CELF4: variants seen among roughly 807,000 people sequenced by gnomAD.
CELF4 encodes the protein CUGBP Elav-like family member 4, also known as CUG-BP- and ETR-3-like factor 4.
In CELF4, 18 loss-of-function variants were observed where a neutral mutation model predicts 59.9. That is an observed-to-expected ratio of 0.30 (90% CI 0.21 to 0.45). CELF4 has a LOEUF of 0.45. Ranked by LOEUF, CELF4 falls within the 20% of genes least tolerant of loss-of-function variation. CELF4 has a pLI of 1.00. For missense variants in CELF4, 456 were observed against 689.0 expected, an observed-to-expected ratio of 0.66 and a Z score of 3.79; for synonymous variants, 261 against 267.1, an observed-to-expected ratio of 0.98 and a Z score of 0.22.
At chr18:37,291,946 C>T (rs1343216648) in intron 3 of CELF4, among the ~76,000 whole-genome samples, 1 of 152,006 alleles carries the variant, frequency 6.6e-6, no homozygotes, top group Non-Finnish European at 1.5e-5. Context: ...AATTCTAAAC[C>T]CCAAGGTGAT....
intron 3 of CELF4, among the ~76,000 whole-genome samples, chr18:37,294,524 A>G (rs971107632): frequency 6.6e-6 from 1 of 152,210 alleles, no homozygotes; most frequent in Non-Finnish European, 1.5e-5. Context: ...ACCCTGGTGA[A>G]CCACTGTGGT....
At chr18:37,389,204 G>C (rs575705665) in intron 2 of CELF4, among the ~76,000 whole-genome samples, 2 of 152,162 alleles carry the variant, frequency 1.3e-5, no homozygotes, top group African/African-American at 4.8e-5. Context: ...CAGATGTGAC[G>C]AGATGGGGAC....
intron 2 of CELF4, among the ~76,000 whole-genome samples, chr18:37,371,158 G>T (rs1435653261): frequency 6.6e-6 from 1 of 152,142 alleles, no homozygotes; most frequent in Non-Finnish European, 1.5e-5. Context: ...ACGTCCATCT[G>T]CTAAGATCTC....
At chr18:37,425,413 G>A (rs2099605699) in intron 2 of CELF4, among the ~76,000 whole-genome samples, 1 of 152,254 alleles carries the variant, frequency 6.6e-6, no homozygotes, top group African/African-American at 2.4e-5. Context: ...CAGGGAGGGT[G>A]CCTGAGGGGT....
chr18:37,458,074 T>C lies in CELF4; in HGVS notation c.369+27451A>G, dbSNP rs1015143553. Among the ~76,000 whole-genome samples, 3 of 152,174 alleles carry C rather than the reference T, an allele frequency of 2.0e-5. No individual in the cohort carries two copies. In the South Asian group the frequency reaches 6.2e-4, roughly 32 times the overall value. On this transcript the variant is annotated intron_variant, in intron 2 of 12. Transcript: ENST00000420428. Reference sequence around the variant, plus strand: ...ACTCTAACAGTATAAGTTTTAATGATGGGACTTCGAGCATCAAAGACAGGC... The same window carrying C: ...ACTCTAACAGTATAAGTTTTAATGACGGGACTTCGAGCATCAAAGACAGGC...
At chr18:37,455,916 A>G (rs1275281052) in intron 2 of CELF4, among the ~76,000 whole-genome samples, 1 of 152,006 alleles carries the variant, frequency 6.6e-6, no homozygotes, top group Admixed American at 6.5e-5. Flanking sequence ...GCCTGTCTGC[A>G]CCCCCAGACG....
At chr18:37,529,692 G>T (rs2099967483) in intron 1 of CELF4, among the ~76,000 whole-genome samples, 1 of 152,188 alleles carries the variant, frequency 6.6e-6, no homozygotes, top group Non-Finnish European at 1.5e-5. Flanking sequence ...TTTTTTGAGG[G>T]AAAGTGTGAT....
intron 2 of CELF4, among the ~76,000 whole-genome samples, chr18:37,325,119 G>T (rs569308084): frequency 2.0e-5 from 3 of 151,996 alleles, no homozygotes; most frequent in Non-Finnish European, 4.4e-5. Context: ...CAGGCACAGG[G>T]GTGTGAACCA....
At chr18:37,445,357 C>T (rs891170865) in intron 2 of CELF4, among the ~76,000 whole-genome samples, 2 of 151,920 alleles carry the variant, frequency 1.3e-5, no homozygotes, top group Non-Finnish European at 2.9e-5. Context: ...AAGGGTTTCT[C>T]GGTGTTTCGG....
At chr18:37,409,798 G>A (rs1180489063) in intron 2 of CELF4, among the ~76,000 whole-genome samples, 1 of 152,182 alleles carries the variant, frequency 6.6e-6, no homozygotes, top group African/African-American at 2.4e-5. Context: ...GTTTACAGAT[G>A]GGTTTCTTGC....
At chr18:37,477,301 G>C (rs891005739) in intron 2 of CELF4, among the ~76,000 whole-genome samples, 1 of 152,260 alleles carries the variant, frequency 6.6e-6, no homozygotes, top group African/African-American at 2.4e-5. Context: ...GAGCGGGGCA[G>C]AGAATTTGTT....
At chr18:37,410,680 G>A (rs988665667) in intron 2 of CELF4, among the ~76,000 whole-genome samples, 1 of 152,204 alleles carries the variant, frequency 6.6e-6, no homozygotes, top group Admixed American at 6.5e-5. Flanking sequence ...CCCAGCAATC[G>A]CATATTGTAT....
chr18:37,278,778 C>A (rs1338806469), intron 3 of CELF4, among the ~76,000 whole-genome samples: 1 of 152,100 alleles, frequency 6.6e-6, no homozygotes, highest in Non-Finnish European at 1.5e-5. Context: ...GTCAGAGGAG[C>A]CACATCTTAT....
chr18:37,562,156 T>C (rs1394245378), intron 1 of CELF4, among the ~76,000 whole-genome samples: 1 of 152,182 alleles, frequency 6.6e-6, no homozygotes, highest in Non-Finnish European at 1.5e-5. Flanking sequence ...TTCTCTGATA[T>C]GGCTGGGTTT....
At chr18:37,368,438 G>A (rs1229480491) in intron 2 of CELF4, among the ~76,000 whole-genome samples, 2 of 152,162 alleles carry the variant, frequency 1.3e-5, no homozygotes, top group Admixed American at 1.3e-4. Context: ...GCTCCCCAGG[G>A]AGGGGTAGGG....
intron 2 of CELF4, among the ~76,000 whole-genome samples, chr18:37,447,192 C>T (rs2154601452): frequency 6.6e-6 from 1 of 152,348 alleles, no homozygotes; most frequent in Middle Eastern, 3.4e-3. Flanking sequence ...GGGCCAAGGG[C>T]TCTGGAGCCC....
chr18:37,341,442 C>T (rs1009021298), intron 2 of CELF4, among the ~76,000 whole-genome samples: 6 of 152,206 alleles, frequency 3.9e-5, no homozygotes, highest in Non-Finnish European at 8.8e-5. Context: ...GTTCACCTTA[C>T]ATGAGGAGGG....
At chr18:37,313,251 A>G (rs2096740748) in intron 3 of CELF4, among the ~76,000 whole-genome samples, 1 of 152,112 alleles carries the variant, frequency 6.6e-6, no homozygotes, top group Non-Finnish European at 1.5e-5. Flanking sequence ...GACTCAGCGT[A>G]ATTTCAGATT....
At chr18:37,321,755 G>T (rs2097129662) in intron 3 of CELF4, 48 bp downstream of exon 3, 1 of 1,343,024 alleles carries the variant, frequency 7.4e-7, no homozygotes, top group Admixed American at 1.7e-5. Flanking sequence ...GAAAAGGAGG[G>T]AGGAGTGAGA....
Sources: allele counts gnomAD v4.1 joint callset (sites outside exome capture counted in the v4.1 genomes callset), GRCh38; gene constraint gnomAD v4.1.1; transcripts MANE v1.5; gene names NCBI Gene and HGNC (gene_info 2026-07-23, HGNC 2026-07-21).